Variants in RARB observed in about 807,000 individuals in gnomAD.
The protein encoded by RARB is HBV-activated protein.
A neutral mutation model predicts 51.9 loss-of-function variants in RARB; 17 were observed. The observed-to-expected ratio is 0.33, with a 90% CI of 0.22 to 0.49. The LOEUF is 0.49. RARB is among the 20% of genes least tolerant of loss of function. The probability of loss-of-function intolerance (pLI) is 0.99; values close to 1 mark genes in which losing one functional copy is unlikely to be tolerated. For synonymous variants in RARB, 215 were observed against 195.4 expected, an observed-to-expected ratio of 1.10 and a Z score of -0.84; for missense variants, 369 against 550.8, an observed-to-expected ratio of 0.67 and a Z score of 3.30.
At chr3:25,069,348 T>C (rs1462789358) in intron 3 of RARB, among the ~76,000 whole-genome samples, 1 of 152,224 alleles carries the variant, frequency 6.6e-6, no homozygotes, top group East Asian at 1.9e-4. Flanking sequence ...CTTTCCCTCC[T>C]ATCACTCAGT....
chr3:25,182,857 G>A (rs940098134), intron 5 of RARB, among the ~76,000 whole-genome samples: 46 of 152,124 alleles, frequency 3.0e-4, no homozygotes, highest in African/African-American at 1.1e-3. Flanking sequence ...AATCCAGTAT[G>A]ACTATGTCCT....
At chr3:24,938,555 A>G (rs1695592322) in intron 2 of RARB, among the ~76,000 whole-genome samples, 1 of 152,246 alleles carries the variant, frequency 6.6e-6, no homozygotes, top group Non-Finnish European at 1.5e-5. Flanking sequence ...TATTATACAT[A>G]TAGTGGTGAA....
chr3:25,329,357 C>T (rs933166400), intron 5 of RARB, among the ~76,000 whole-genome samples: 2 of 152,174 alleles, frequency 1.3e-5, no homozygotes, highest in East Asian at 1.9e-4. Flanking sequence ...GCAATATTTG[C>T]CGTTCTGCAG....
intron 3 of RARB, among the ~76,000 whole-genome samples, chr3:25,061,518 G>A (rs1003495084): frequency 4.6e-5 from 7 of 151,566 alleles, no homozygotes; most frequent in African/African-American, 1.7e-4. Flanking sequence ...TTGTAACTTT[G>A]TTTTCTTCTC....
intron 5 of RARB, among the ~76,000 whole-genome samples, chr3:25,264,160 G>A (rs1703072441): frequency 6.6e-6 from 1 of 150,918 alleles, no homozygotes; most frequent in Non-Finnish European, 1.5e-5. Context: ...AAACAACTTT[G>A]TTTAGAAAGC....
At chr3:25,145,104 A>C (rs1700166554) in intron 4 of RARB, among the ~76,000 whole-genome samples, 1 of 152,188 alleles carries the variant, frequency 6.6e-6, no homozygotes, top group Admixed American at 6.5e-5. Context: ...GAGTTGTCTC[A>C]GCATCTAATT....
At chr3:25,069,832 ATGTGG>A (rs2125307834) in intron 3 of RARB, among the ~76,000 whole-genome samples, 1 of 152,354 alleles carries the variant, frequency 6.6e-6, no homozygotes, top group South Asian at 2.1e-4. Flanking sequence ...ACAGTACATT[ATGTGG>A]TGTGGCCTCC....
intron 5 of RARB, among the ~76,000 whole-genome samples, chr3:25,388,960 T>C (rs534686848): frequency 6.6e-6 from 1 of 152,284 alleles, no homozygotes; most frequent in East Asian, 1.9e-4. Flanking sequence ...TCTGTTTCAT[T>C]GAATAGAAAC....
intron 2 of RARB, among the ~76,000 whole-genome samples, chr3:25,059,314 A>G (rs1698501891): frequency 6.6e-6 from 1 of 151,476 alleles, no homozygotes; most frequent in Non-Finnish European, 1.5e-5. Context: ...CTCAGGGCAC[A>G]CTCCTAAAAG....
chr3:25,163,522 T>A (rs1241146511), intron 4 of RARB, among the ~76,000 whole-genome samples: 10 of 37,942 alleles, frequency 2.6e-4, no homozygotes, highest in South Asian at 6.8e-4. Context: ...TATATATATA[T>A]ATATATATAT....
At chr3:25,052,592 A>C (rs933936975) in intron 2 of RARB, among the ~76,000 whole-genome samples, 5 of 152,222 alleles carry the variant, frequency 3.3e-5, no homozygotes, top group African/African-American at 4.8e-5. Context: ...TAACTCTTTT[A>C]GACGGACTAA....
At chr3:25,332,699 T>G (rs1191898184) in intron 5 of RARB, among the ~76,000 whole-genome samples, 1 of 152,090 alleles carries the variant, frequency 6.6e-6, no homozygotes, top group Admixed American at 6.5e-5. Flanking sequence ...GAGAAAGAAA[T>G]AAAGGGTATT....
intron 5 of RARB, among the ~76,000 whole-genome samples, chr3:25,246,533 C>T (rs1313425913): frequency 6.6e-6 from 1 of 152,030 alleles, no homozygotes; most frequent in Non-Finnish European, 1.5e-5. Flanking sequence ...GATATTGTTG[C>T]TATTCCTTTC....
chr3:25,061,255 G>A (rs1259391585), intron 3 of RARB, among the ~76,000 whole-genome samples: 4 of 151,786 alleles, frequency 2.6e-5, no homozygotes, highest in African/African-American at 4.8e-5. Flanking sequence ...ATTATTTTGG[G>A]AGAAAGATAA....
At chr3:25,019,999 A>C (rs1056272991) in intron 2 of RARB, among the ~76,000 whole-genome samples, 1 of 152,116 alleles carries the variant, frequency 6.6e-6, no homozygotes, top group African/African-American at 2.4e-5. Flanking sequence ...ACCTCTTCCA[A>C]CTTACACAGA....
chr3:24,888,555 A>G (rs1223834190), intron 2 of RARB, among the ~76,000 whole-genome samples: 1 of 152,138 alleles, frequency 6.6e-6, no homozygotes, highest in Non-Finnish European at 1.5e-5. Context: ...AAATGCTAGT[A>G]ATGTGATATT....
chr3:25,010,883 T>C (rs1395244570), intron 2 of RARB, among the ~76,000 whole-genome samples: 1 of 152,132 alleles, frequency 6.6e-6, no homozygotes, highest in East Asian at 1.9e-4. Flanking sequence ...CTTTTAGTAT[T>C]ATCTTTCTAC....
chr3:24,897,703 CTGTCCAGAAACCATCACAGTATT>C (rs1703507249), intron 2 of RARB, among the ~76,000 whole-genome samples: 1 of 150,400 alleles, frequency 6.6e-6, no homozygotes, highest in African/African-American at 2.4e-5. Context: ...AGAGTGCCTT[CTGTCCAGAAACCATCACAGTATT>C]TTCCATAGAA....
intron 1 of RARB, among the ~76,000 whole-genome samples, chr3:25,447,975 C>T (rs935702483): frequency 6.6e-6 from 1 of 152,066 alleles, no homozygotes; most frequent in Non-Finnish European, 1.5e-5. Flanking sequence ...TTGTGTAACA[C>T]TATTATGTGG....
Sources: gnomAD v4.1 joint callset for allele counts (sites outside exome capture counted in the v4.1 genomes callset) on GRCh38, gnomAD v4.1.1 for gene constraint, MANE v1.5 for transcripts, NCBI Gene and HGNC (gene_info 2026-07-23, HGNC 2026-07-21) for gene names.